The following ARID5B variants were observed in gnomAD, a reference collection of about 807,000 sequenced individuals.
The protein encoded by ARID5B is AT-rich interaction domain 5B.
Under a neutral mutation model 97.2 loss-of-function variants are expected in ARID5B, and 13 were observed. The ratio of observed to expected loss-of-function variants is 0.13; its 90% CI spans 0.09 to 0.21. The LOEUF is 0.21. Ranked by LOEUF, ARID5B falls within the 10% of genes least tolerant of loss-of-function variation. ARID5B has a pLI of 1.00. For missense variants in ARID5B, 1,210 were observed against 1,465.3 expected, an observed-to-expected ratio of 0.83 and a Z score of 2.84; for synonymous variants, 556 against 570.3, an observed-to-expected ratio of 0.97 and a Z score of 0.36.
At chr10:61,949,370 C>G (rs1465349534) in intron 3 of ARID5B, among the ~76,000 whole-genome samples, 4 of 152,200 alleles carry the variant, frequency 2.6e-5, no homozygotes, top group African/African-American at 4.8e-5. Flanking sequence ...GGCACGGTGG[C>G]TCACGCCTAT....
intron 2 of ARID5B, among the ~76,000 whole-genome samples, chr10:61,911,737 T>C (rs1353873295): frequency 2.6e-5 from 4 of 152,202 alleles, no homozygotes; most frequent in Non-Finnish European, 5.9e-5. Context: ...GCTCATGCTC[T>C]TGGGGCTTGG....
At chr10:62,053,840 A>G (rs1458508665) in intron 5 of ARID5B, among the ~76,000 whole-genome samples, 2 of 152,208 alleles carry the variant, frequency 1.3e-5, no homozygotes, top group South Asian at 4.1e-4. Flanking sequence ...CATTATTTTC[A>G]ATATTTTTCC....
rs59459790 is a variant in ARID5B at position 61,902,673 on chromosome 10, ATGTGTGTG to A, written c.276+282_276+289del. 1.9e-3 allele frequency among the ~76,000 whole-genome samples: 283 copies of A among 148,442 alleles called. 2 individuals are homozygous for A. The highest frequency in any genetic ancestry group is 6.7e-3 in the African/African-American group (271 of 40,154). On this transcript the variant is annotated intron_variant, in intron 2 of 9. Transcript: ENST00000279873. ...TGTTCGAGAAGGGTTTTGTTCAAGG[ATGTGTGTG>A]TGTGTGTGTGTGTGTGTGTGTATGT... is the stretch of plus-strand genomic sequence containing the variant.
rs10994970 is a variant in ARID5B at position 61,934,268 on chromosome 10, C to T, written c.277-5915C>T. 5.0e-3 allele frequency among the ~76,000 whole-genome samples: 762 copies of T among 152,290 alleles called. 3 individuals carry two copies. Among genetic ancestry groups the T allele is most frequent in the African/African-American group, 0.017 (720 of 41,552 alleles). ...TATTGTGGCCTGTTTGATCTTTCTA[C>T]CCAGACCACTAAAACTTTCTCCATA... is the stretch of plus-strand genomic sequence containing the variant. On this transcript the variant is annotated intron_variant, in intron 2 of 9. Transcript: ENST00000279873.
chr10:62,036,182 G>T (rs1241796094), intron 4 of ARID5B, among the ~76,000 whole-genome samples: 3 of 152,146 alleles, frequency 2.0e-5, no homozygotes, highest in Admixed American at 1.3e-4. Flanking sequence ...AAAAGAAAAG[G>T]TATCGATGTC....
intron 9 of ARID5B, among the ~76,000 whole-genome samples, chr10:62,087,368 T>A (rs1457597078): frequency 6.7e-6 from 1 of 148,332 alleles, no homozygotes; most frequent in Admixed American, 6.7e-5. Context: ...TTTGAAATGG[T>A]TCCTATGAAA....
chr10:62,062,201 A>G (rs1255352644), intron 7 of ARID5B, among the ~76,000 whole-genome samples: 1 of 152,228 alleles, frequency 6.6e-6, no homozygotes, highest in Non-Finnish European at 1.5e-5. Flanking sequence ...TGAAGGCTTA[A>G]GCTGTCATCA....
chr10:62,027,285 C>CTTTTTTTTTTTTTTTTTT (rs777291593), intron 4 of ARID5B, among the ~76,000 whole-genome samples: 3 of 67,406 alleles, frequency 4.5e-5, no homozygotes, highest in African/African-American at 1.1e-4. Context: ...ACAGTATCTC[C>CTTTTTTTTTTTTTTTTTT]TTTTTTTTTT....
intron 3 of ARID5B, among the ~76,000 whole-genome samples, chr10:61,958,530 C>T (rs1838425106): frequency 3.9e-5 from 6 of 152,136 alleles, no homozygotes; most frequent in Admixed American, 3.9e-4. Flanking sequence ...CCGGCCGTGA[C>T]CTCTTTTTCA....
intron 3 of ARID5B, among the ~76,000 whole-genome samples, chr10:61,951,839 T>G (rs889196546): frequency 1.3e-5 from 2 of 152,210 alleles, no homozygotes; most frequent in Non-Finnish European, 2.9e-5. Context: ...TTCCCATACT[T>G]AATTTTGTAC....
At chr10:62,070,992 A>G (rs2132955421) in intron 8 of ARID5B, among the ~76,000 whole-genome samples, 1 of 147,558 alleles carries the variant, frequency 6.8e-6, no homozygotes, top group South Asian at 2.1e-4. Context: ...ACCACAGGCT[A>G]CTTGTTTTTG....
intron 2 of ARID5B, among the ~76,000 whole-genome samples, chr10:61,915,843 C>G (rs1282141675): frequency 6.6e-6 from 1 of 151,990 alleles, no homozygotes; most frequent in Non-Finnish European, 1.5e-5. Flanking sequence ...GCAACCTTCA[C>G]CTCCCAGATT....
In ARID5B at chr10:62,093,241, T is replaced by A; in HGVS notation, c.*211T>A. 1 of 645,090 alleles carries A rather than the reference T, an allele frequency of 1.6e-6. No individual in the cohort carries two copies. The highest frequency in any genetic ancestry group is 2.5e-6 in the Non-Finnish European group (1 of 400,248). The allele number at this position is 645,090 out of a possible 1,614,324, so 40.0% of individuals were successfully genotyped here. A position where few individuals can be genotyped will look rare whatever the true frequency, so the allele number is the denominator to read the frequency against. On this transcript the variant is annotated 3_prime_UTR_variant, in exon 10 of 10. Coordinates refer to ENST00000279873, the MANE Select transcript of ARID5B (RefSeq NM_032199.3). The stretch of plus-strand genomic sequence containing the variant: ...AACTGACTGGCTGGTGAGTCTTGAC[T>A]CCCTTCCAACACAGATGCCCAGGCA...
intron 3 of ARID5B, among the ~76,000 whole-genome samples, chr10:61,979,158 C>G (rs970947674): frequency 6.6e-6 from 1 of 152,174 alleles, no homozygotes; most frequent in Non-Finnish European, 1.5e-5. Context: ...TGCACCCAAA[C>G]CTCTGCAGCA....
intron 8 of ARID5B, among the ~76,000 whole-genome samples, chr10:62,070,650 G>C (rs1338201583): frequency 6.6e-6 from 1 of 152,074 alleles, no homozygotes; most frequent in African/African-American, 2.4e-5. Flanking sequence ...CTTTAGTATG[G>C]CCGTTCAACA....
intron 2 of ARID5B, among the ~76,000 whole-genome samples, chr10:61,933,212 G>A (rs940065074): frequency 4.6e-5 from 7 of 152,346 alleles, no homozygotes; most frequent in African/African-American, 1.4e-4. Context: ...TCATGAGATT[G>A]CAGCAATTCA....
intron 7 of ARID5B, among the ~76,000 whole-genome samples, chr10:62,065,535 G>C (rs1839974948): frequency 6.6e-6 from 1 of 152,096 alleles, no homozygotes; most frequent in Non-Finnish European, 1.5e-5. Context: ...GGATGAATTT[G>C]GCTATTTTCT....
At chr10:62,045,659 C>G (rs1839698520) in intron 4 of ARID5B, among the ~76,000 whole-genome samples, 1 of 152,114 alleles carries the variant, frequency 6.6e-6, no homozygotes, top group African/African-American at 2.4e-5. Flanking sequence ...CTATGTTAAC[C>G]AGGCTGGTCT....
intron 3 of ARID5B, among the ~76,000 whole-genome samples, chr10:61,946,089 T>C (rs564187919): frequency 1.2e-4 from 18 of 149,038 alleles, no homozygotes; most frequent in Non-Finnish European, 2.1e-4. Context: ...TATATATTTA[T>C]ATTTTATAAA....
Sources: gnomAD v4.1 joint callset for allele counts (sites outside exome capture counted in the v4.1 genomes callset) on GRCh38, gnomAD v4.1.1 for gene constraint, MANE v1.5 for transcripts, NCBI Gene and HGNC (gene_info 2026-07-23, HGNC 2026-07-21) for gene names.